Variants in TBX20 observed in about 807,000 individuals in gnomAD.
TBX20 encodes the protein T-box transcription factor 20.
A neutral mutation model predicts 42.9 loss-of-function variants in TBX20; 8 were observed. The ratio of observed to expected loss-of-function variants is 0.19; its 90% CI spans 0.11 to 0.34. TBX20 has a LOEUF of 0.34. TBX20 is among the 10% of genes least tolerant of loss of function. The pLI is 1.00. For synonymous variants in TBX20, 198 were observed against 222.8 expected (o/e 0.89, Z 0.99); for missense variants, 411 against 566.0 (o/e 0.73, Z 2.78).
chr7:35,213,105 C>G (rs571639396), intron 6 of TBX20, among the ~76,000 whole-genome samples: 2 of 152,328 alleles, frequency 1.3e-5, no homozygotes, highest in East Asian at 3.9e-4. Flanking sequence ...CAGGGCTCAC[C>G]TCATTTGTTT....
intron 6 of TBX20, among the ~76,000 whole-genome samples, chr7:35,227,335 G>A (rs187616220): frequency 1.5e-4 from 23 of 152,214 alleles, no homozygotes; most frequent in South Asian, 6.2e-4. Flanking sequence ...GTCTACAGTA[G>A]TGTACAGTAA....
chr7:35,213,905 C>G (rs1444371750), intron 6 of TBX20, among the ~76,000 whole-genome samples: 1 of 105,634 alleles, frequency 9.5e-6, no homozygotes, highest in Non-Finnish European at 2.1e-5. Flanking sequence ...AAAAAAATTC[C>G]CTGTCTAATG....
At chr7:35,235,398 C>A (rs929634572) in intron 5 of TBX20, among the ~76,000 whole-genome samples, 4 of 151,626 alleles carry the variant, frequency 2.6e-5, no homozygotes, top group African/African-American at 9.7e-5. Context: ...AGGATGCCTG[C>A]AGCTTGTAAT....
chr7:35,230,047 C>T (rs1459291236), intron 6 of TBX20, among the ~76,000 whole-genome samples: 5 of 152,056 alleles, frequency 3.3e-5, no homozygotes, highest in Non-Finnish European at 7.4e-5. Flanking sequence ...AAATACGACA[C>T]ACACTATAAA....
chr7:35,222,539 A>G (rs948340752), intron 6 of TBX20, among the ~76,000 whole-genome samples: 4 of 152,190 alleles, frequency 2.6e-5, no homozygotes, highest in Non-Finnish European at 4.4e-5. Flanking sequence ...TGCTGTTTTT[A>G]TAAAGACACA....
At chr7:35,239,791 A>T (rs1164891660) in intron 5 of TBX20, among the ~76,000 whole-genome samples, 1 of 151,754 alleles carries the variant, frequency 6.6e-6, no homozygotes. Flanking sequence ...TCGCTTTGTC[A>T]CCCAGGCTGG....
At chr7:35,213,076 GAAA>G in intron 6 of TBX20, among the ~76,000 whole-genome samples, 1 of 152,110 alleles carries the variant, frequency 6.6e-6, no homozygotes, top group African/African-American at 2.4e-5. Flanking sequence ...ACCCCCTCAG[GAAA>G]TAAGCTGCAT....
At position 35,249,840 on chromosome 7, in the gene TBX20, T is replaced by G; in HGVS notation, c.380+111A>C. 8.0e-7 allele frequency: 1 copy of G among 1,251,474 alleles called. No homozygotes were observed. The allele number at this position is 1,251,474 out of a possible 1,614,324, so 77.5% of individuals were successfully genotyped here. On this transcript the variant is annotated intron_variant, in intron 2 of 7. Transcript: ENST00000408931. This position sits in a 1 kb window ranked among gnomAD's most constrained non-coding sequence, Gnocchi z 4.3. ...GCAGCTGCCCTGGAGCCAAGCTGTC[T>G]CTCCGCTCCATGACCAGCCAGCTCT...
At position 35,202,650 on chromosome 7, in the gene TBX20, A is replaced by G. The variant is rs752916726; in HGVS notation, c.1124T>C (p.Ile375Thr). 8 of 1,613,774 alleles carry G rather than the reference A, an allele frequency of 5.0e-6. No homozygotes were observed. In the South Asian group the frequency reaches 7.7e-5, roughly 16 times the overall value. ...LTALGTSTAS[I>T]ATPIPHPIQG... is the part of the protein sequence containing the mutation. ...GATGGGGTGAGGAATGGGTGTTGCT[A>G]TGGATGCTGTGCTGGTGCCAAGAGC... Residue 375 changes from isoleucine (I) to threonine (T), a missense_variant, in exon 8 of 8, where the codon ATA (isoleucine) becomes ACA (threonine). Transcript: ENST00000408931.
Position 35,248,547 on chromosome 7 carries a change from C to A in TBX20, c.545+130G>T, listed in dbSNP as rs900026316. ...TTTTGTGTAGTCAATCCTGGAGTGT[C>A]CAGGCTTGGAATGCTCTCTTGCCAG... On this transcript the variant is annotated intron_variant, in intron 3 of 7. Coordinates refer to ENST00000408931, the MANE Select transcript of TBX20 (RefSeq NM_001077653.2). The A allele has an allele frequency of 1.5e-5, 15 of 994,938 alleles. No individual in the cohort carries two copies. The African/African-American group carries it at 2.2e-4, about 15-fold the overall frequency. 61.6% of individuals were successfully genotyped at this position (994,938 alleles called of 1,614,324 possible). A position where few individuals can be genotyped will look rare whatever the true frequency, so the allele number is the denominator to read the frequency against.
intron 6 of TBX20, among the ~76,000 whole-genome samples, chr7:35,205,234 T>C (rs984845167): frequency 6.6e-6 from 1 of 152,070 alleles, no homozygotes; most frequent in Non-Finnish European, 1.5e-5. Flanking sequence ...TCTAGGTAAA[T>C]TGGTACATTG....
At chr7:35,240,704 G>A (rs556075014) in intron 5 of TBX20, among the ~76,000 whole-genome samples, 175 bp downstream of exon 5, 41 of 150,182 alleles carry the variant, frequency 2.7e-4, no homozygotes, top group Non-Finnish European at 5.3e-4. Flanking sequence ...AGAAACTATA[G>A]TGTAATACAC....
At position 35,219,610 on chromosome 7, in the gene TBX20, G is replaced by A. The variant is rs144195105; in HGVS notation, c.890+11894C>T. 5.2e-3 allele frequency among the ~76,000 whole-genome samples: 794 copies of A among 152,294 alleles called. 5 individuals carry two copies. The highest frequency in any genetic ancestry group is 9.3e-3 in the South Asian group (45 of 4,826). The stretch of plus-strand genomic sequence containing the variant: ...CCCTGCACTGCTCCTAAGGAAACAC[G>A]CTTTGAAAACTCTACAACCCAGCCT... On this transcript the variant is annotated intron_variant, in intron 6 of 7. Coordinates refer to ENST00000408931, the MANE Select transcript of TBX20 (RefSeq NM_001077653.2).
chr7:35,236,950 G>A (rs1269814763), intron 5 of TBX20, among the ~76,000 whole-genome samples: 3 of 151,962 alleles, frequency 2.0e-5, no homozygotes, highest in Non-Finnish European at 2.9e-5. Context: ...TGCCAAAGGA[G>A]CAACTTGTGT....
intron 7 of TBX20, 87 bp downstream of exon 7, chr7:35,204,383 G>T: frequency 1.2e-6 from 1 of 832,440 alleles, no homozygotes; most frequent in Non-Finnish European, 2.1e-6. Context: ...GTACTCTGAG[G>T]ACTGGCCATC....
intron 6 of TBX20, among the ~76,000 whole-genome samples, chr7:35,213,333 G>A (rs536892156): frequency 6.6e-6 from 1 of 152,246 alleles, no homozygotes; most frequent in Non-Finnish European, 1.5e-5. Flanking sequence ...ACAATCTTTG[G>A]GAGTGGGAGA....
rs148550730 is a variant in TBX20 at position 35,250,184 on chromosome 7, C to T, written c.147G>A (p.Ser49=). The T allele has an allele frequency of 2.8e-5, 45 of 1,614,044 alleles. No homozygotes were observed. Among genetic ancestry groups the T allele is most frequent in the South Asian group, 5.5e-5 (5 of 91,024 alleles). ...IKPLEQFVEK[S]SCAQPLGELT... is the part of the protein sequence containing the mutation. ...GCTCACCCAGGGGCTGGGCACAGGA[C>T]GACTTCTCCACAAATTGCTCTGGAG... The change falls in exon 2 of 8, where the codon TCG becomes TCA. Residue 49 remains serine, a synonymous_variant. Coordinates refer to ENST00000408931, the MANE Select transcript of TBX20 (RefSeq NM_001077653.2).
chr7:35,207,736 GTCCCTTC>G (rs1789423512), intron 6 of TBX20, among the ~76,000 whole-genome samples: 1 of 152,122 alleles, frequency 6.6e-6, no homozygotes, highest in Non-Finnish European at 1.5e-5. Flanking sequence ...TGAGAAGACT[GTCCCTTC>G]TCCATCACAT....
chr7:35,241,124 T>C (rs1790070610), intron 4 of TBX20, 87 bp from the exon 5 acceptor site: 7 of 1,184,414 alleles, frequency 5.9e-6, no homozygotes, highest in Non-Finnish European at 6.3e-6. Flanking sequence ...AAGAACCAAA[T>C]GGTCTACAAT....
Sources: gnomAD v4.1 joint callset for allele counts (sites outside exome capture counted in the v4.1 genomes callset) on GRCh38, gnomAD v4.1.1 for gene constraint, Gnocchi (gnomAD v3.1) non-coding constraint, MANE v1.5 for transcripts, NCBI Gene and HGNC (gene_info 2026-07-23, HGNC 2026-07-21) for gene names.